The following STAM variants were observed in gnomAD, a reference collection of about 807,000 sequenced individuals.
The protein encoded by STAM is signal transducing adapter molecule 1.
A neutral mutation model predicts 63.4 loss-of-function variants in STAM; 16 were observed. The ratio of observed to expected loss-of-function variants is 0.25; its 90% CI spans 0.17 to 0.38. The LOEUF (loss-of-function observed/expected upper bound fraction) is 0.38, where lower values mean the gene tolerates loss of function less well. STAM is among the 10% of genes least tolerant of loss of function. The pLI is 1.00. For synonymous variants in STAM, 238 were observed against 223.9 expected (o/e 1.06, Z -0.56); for missense variants, 636 against 657.1 (o/e 0.97, Z 0.35).
At chr10:17,671,285 A>G (rs1834630224) in intron 2 of STAM, among the ~76,000 whole-genome samples, 1 of 152,252 alleles carries the variant, frequency 6.6e-6, no homozygotes, top group Non-Finnish European at 1.5e-5. Flanking sequence ...TAATGTTTAA[A>G]TCACTCTAAA....
intron 2 of STAM, among the ~76,000 whole-genome samples, chr10:17,670,000 G>A (rs1322289627): frequency 6.6e-6 from 1 of 151,548 alleles, no homozygotes; most frequent in Non-Finnish European, 1.5e-5. Flanking sequence ...AAAGTGCTGG[G>A]ATCACAGGCG....
At chr10:17,713,775 C>A (rs187564668) in intron 13 of STAM, among the ~76,000 whole-genome samples, 3 of 152,138 alleles carry the variant, frequency 2.0e-5, no homozygotes, top group Non-Finnish European at 4.4e-5. Flanking sequence ...CTATCCTGGT[C>A]CAGAGGGAGC....
At chr10:17,688,953 G>A (rs1835414793) in intron 5 of STAM, among the ~76,000 whole-genome samples, 1 of 152,082 alleles carries the variant, frequency 6.6e-6, no homozygotes, top group Admixed American at 6.6e-5. Context: ...ACAATGAGAG[G>A]ACTTTAGAAG....
intron 2 of STAM, among the ~76,000 whole-genome samples, chr10:17,680,494 C>T (rs1306878926): frequency 2.0e-5 from 3 of 151,272 alleles, no homozygotes; most frequent in African/African-American, 7.3e-5. Context: ...GCAATCGTGG[C>T]TCACTGCAGC....
intron 1 of STAM, among the ~76,000 whole-genome samples, chr10:17,649,523 A>G (rs11254699): frequency 0.11 from 17,099 of 152,134 alleles, 1,046 homozygotes; most frequent in Middle Eastern, 0.16. Flanking sequence ...TGTGTGGAAT[A>G]TAAACTCCAT....
At chr10:17,708,248 GT>G (rs1836388466) in intron 12 of STAM, among the ~76,000 whole-genome samples, 1 of 152,180 alleles carries the variant, frequency 6.6e-6, no homozygotes, top group South Asian at 2.1e-4. Flanking sequence ...GAGCCGAGTA[GT>G]TGTGTCAGAG....
chr10:17,649,859 T>C (rs1833667772), intron 1 of STAM, among the ~76,000 whole-genome samples: 2 of 152,314 alleles, frequency 1.3e-5, no homozygotes, highest in African/African-American at 4.8e-5. Flanking sequence ...GTGATCTGCC[T>C]GCCTCAGCCT....
intron 2 of STAM, among the ~76,000 whole-genome samples, chr10:17,676,194 G>A (rs190116499): frequency 4.6e-5 from 7 of 152,276 alleles, no homozygotes; most frequent in East Asian, 1.9e-4. Context: ...GAAGGTTCAC[G>A]ACTTAATTTT....
intron 9 of STAM, among the ~76,000 whole-genome samples, chr10:17,701,730 C>T (rs535628164): frequency 1.9e-4 from 29 of 152,276 alleles, no homozygotes; most frequent in African/African-American, 7.0e-4. Flanking sequence ...TTACCCCCCT[C>T]CTCTCCCTTT....
intron 2 of STAM, among the ~76,000 whole-genome samples, chr10:17,682,066 G>A (rs1835108952): frequency 2.6e-5 from 4 of 152,120 alleles, no homozygotes; most frequent in Admixed American, 2.0e-4. Flanking sequence ...TATGTGTATG[G>A]TTTGATAGTT....
chr10:17,680,488 T>A (rs1835042118), intron 2 of STAM, among the ~76,000 whole-genome samples: 1 of 151,376 alleles, frequency 6.6e-6, no homozygotes, highest in Non-Finnish European at 1.5e-5. Flanking sequence ...AGTGGCGCAA[T>A]CGTGGCTCAC....
chr10:17,667,610 C>T (rs900021836), intron 2 of STAM, among the ~76,000 whole-genome samples: 17 of 152,138 alleles, frequency 1.1e-4, no homozygotes, highest in Non-Finnish European at 1.5e-5. Flanking sequence ...TAGCCTTTGC[C>T]GTCAATGGTG....
rs782223861 is a variant in STAM at position 17,705,610 on chromosome 10, C to G, written c.1078C>G (p.Leu360Val). The G allele has an allele frequency of 6.2e-7, 1 of 1,612,942 alleles. No individual in the cohort carries two copies. The highest frequency in any genetic ancestry group is 2.2e-5 in the East Asian group (1 of 44,874). Reference protein sequence around the residue: ...IDRKHSELSELNVKVMEALSL... With the variant: ...IDRKHSELSEVNVKVMEALSL... ...CAGAAAACATTCAGAACTCTCAGAA[C>G]TTAATGTGAAAGTGATGGAGGCCCT... The change falls in exon 12 of 14, where the codon CTT becomes GTT. Residue 360 changes from leucine (L) to valine (V), a missense_variant. Leu to Val is a conservative substitution (Grantham distance 32, BLOSUM62 1). Transcript: ENST00000377524.
intron 7 of STAM, 55 bp from the exon 8 acceptor site, chr10:17,696,720 T>A: frequency 7.8e-7 from 1 of 1,280,166 alleles, no homozygotes; most frequent in Non-Finnish European, 1.1e-6. Context: ...AAGATAAAGA[T>A]GTACAGAAAT....
chr10:17,663,955 T>C (rs2131588745), intron 2 of STAM, among the ~76,000 whole-genome samples: 1 of 152,200 alleles, frequency 6.6e-6, no homozygotes, highest in African/African-American at 2.4e-5. Flanking sequence ...CTTGGGCTCC[T>C]CTTTCTATTA....
chr10:17,695,166 TATA>T lies in STAM; in HGVS notation c.654_656del (p.Tyr219del). ...CATGAAGGCCGAAAAGTTCGTGCTATATATGACTTTGAAGCTGCTGAAGACAAT... is the reference window on the plus strand; with the variant it reads ...CATGAAGGCCGAAAAGTTCGTGCTATTGACTTTGAAGCTGCTGAAGACAAT... On this transcript the variant is annotated inframe_deletion, in exon 7 of 14. Coordinates refer to ENST00000377524, the MANE Select transcript of STAM (RefSeq NM_003473.4). 6.2e-7 allele frequency: 1 copy of T among 1,614,102 alleles called. No individual in the cohort carries two copies. Among genetic ancestry groups the T allele is most frequent in the Non-Finnish European group, 8.5e-7 (1 of 1,179,970 alleles).
At chr10:17,699,920 C>G (rs1835917509) in intron 8 of STAM, among the ~76,000 whole-genome samples, 1 of 152,110 alleles carries the variant, frequency 6.6e-6, no homozygotes, top group Non-Finnish European at 1.5e-5. Context: ...GGTGATTAAC[C>G]TTTTTTCAGA....
chr10:17,707,382 C>T (rs1392367004), intron 12 of STAM, among the ~76,000 whole-genome samples: 1 of 151,994 alleles, frequency 6.6e-6, no homozygotes, highest in Admixed American at 6.6e-5. Flanking sequence ...TGCACTCCAG[C>T]CTGGGCGACA....
At chr10:17,700,581 A>G (rs1413929404) in intron 9 of STAM, among the ~76,000 whole-genome samples, 1 of 129,018 alleles carries the variant, frequency 7.8e-6, no homozygotes. Context: ...ACAGTGTAGT[A>G]GTGAGATTTT....
Sources: allele counts gnomAD v4.1 joint callset (sites outside exome capture counted in the v4.1 genomes callset), GRCh38; gene constraint gnomAD v4.1.1; transcripts MANE v1.5; gene names NCBI Gene and HGNC (gene_info 2026-07-23, HGNC 2026-07-21).